Variants in NAV3 observed in about 807,000 individuals in gnomAD.
NAV3 encodes neuron navigator 3, also known as pore membrane and/or filament interacting like protein 1.
NAV3 carries 87 observed loss-of-function variants against 244.7 expected under a neutral mutation model. The ratio of observed to expected loss-of-function variants is 0.36; its 90% CI spans 0.30 to 0.42. The LOEUF (loss-of-function observed/expected upper bound fraction) is 0.42, where lower values mean the gene tolerates loss of function less well. Ranked by LOEUF, NAV3 falls within the 20% of genes least tolerant of loss-of-function variation. NAV3 has a pLI of 1.00. For synonymous variants in NAV3, 1,126 were observed against 1,042.2 expected, an observed-to-expected ratio of 1.08 and a Z score of -1.55; for missense variants, 2,663 against 2,893.3, an observed-to-expected ratio of 0.92 and a Z score of 1.83.
At chr12:77,646,395 C>T (rs1872606171) in intron 2 of NAV3, among the ~76,000 whole-genome samples, 2 of 152,162 alleles carry the variant, frequency 1.3e-5, no homozygotes, top group African/African-American at 4.8e-5. Flanking sequence ...CGGAAGTTTT[C>T]TGTTGAGCCC....
intron 1 of NAV3, among the ~76,000 whole-genome samples, chr12:77,938,770 A>G (rs370137780): frequency 1.3e-5 from 2 of 152,178 alleles, no homozygotes; most frequent in Admixed American, 1.3e-4. Flanking sequence ...CAAGTCAAAT[A>G]TCTATCAACT....
chr12:77,895,315 G>GTGTGTGTGTGTA (rs1884459544), intron 1 of NAV3, among the ~76,000 whole-genome samples: 1 of 151,406 alleles, frequency 6.6e-6, no homozygotes, highest in African/African-American at 2.4e-5. Flanking sequence ...ATGATTGTGT[G>GTGTGTGTGTGTA]TGTGTGTGTG....
At position 78,125,918 on chromosome 12, in the gene NAV3, A is replaced by G. The variant is rs571224162; in HGVS notation, c.4239-1249A>G. On this transcript the variant is annotated intron_variant, in intron 16 of 39. Transcript: ENST00000397909. Reference sequence around the variant, plus strand: ...ACCAACTTTTCATATTCTTTGTGGCATTAAACTTTAACTTGTACACATGGA... The same window carrying G: ...ACCAACTTTTCATATTCTTTGTGGCGTTAAACTTTAACTTGTACACATGGA... 3.2e-4 allele frequency among the ~76,000 whole-genome samples: 48 copies of G among 152,334 alleles called. No homozygotes were observed. In the Middle Eastern group the frequency reaches 0.01, roughly 32 times the overall value.
intron 1 of NAV3, among the ~76,000 whole-genome samples, chr12:77,843,985 T>C (rs1428532721): frequency 1.3e-5 from 2 of 152,230 alleles, no homozygotes; most frequent in African/African-American, 2.4e-5. Flanking sequence ...TGCTGTGCAA[T>C]TCTGTACAGT....
At chr12:78,087,237 C>CA (rs1477641065) in intron 12 of NAV3, among the ~76,000 whole-genome samples, 1 of 151,942 alleles carries the variant, frequency 6.6e-6, no homozygotes, top group East Asian at 1.9e-4. Context: ...GCTGAGCTGC[C>CA]AAGATACATA....
chr12:78,049,626 G>C (rs574554984), intron 9 of NAV3, among the ~76,000 whole-genome samples: 4 of 150,298 alleles, frequency 2.7e-5, no homozygotes, highest in Non-Finnish European at 4.5e-5. Flanking sequence ...ATCTCACTGG[G>C]AGCAGCAGAC....
chr12:77,590,739 A>G (rs887604117), intron 2 of NAV3, among the ~76,000 whole-genome samples: 4 of 152,254 alleles, frequency 2.6e-5, no homozygotes, highest in African/African-American at 9.6e-5. Flanking sequence ...GTTTATATAT[A>G]AAAGCTTAAA....
chr12:77,735,301 G>A (rs1436377322), intron 2 of NAV3, among the ~76,000 whole-genome samples: 2 of 152,018 alleles, frequency 1.3e-5, no homozygotes, highest in Admixed American at 6.6e-5. Context: ...TTGCCTCTGA[G>A]TATAAACATT....
At chr12:78,123,945 T>C (rs971421604) in intron 16 of NAV3, among the ~76,000 whole-genome samples, 2 of 152,206 alleles carry the variant, frequency 1.3e-5, no homozygotes, top group Admixed American at 1.3e-4. Context: ...TTCTAATGAA[T>C]GAATTATATT....
intron 7 of NAV3, among the ~76,000 whole-genome samples, 191 bp from the exon 8 acceptor site, chr12:78,006,228 T>C (rs74108223): frequency 6.6e-6 from 1 of 151,648 alleles, no homozygotes; most frequent in Non-Finnish European, 1.5e-5. Flanking sequence ...AATCAATGCC[T>C]CTCAAACACT....
intron 2 of NAV3, among the ~76,000 whole-genome samples, chr12:77,707,425 G>T (rs1166326149): frequency 1.3e-5 from 2 of 152,034 alleles, no homozygotes; most frequent in African/African-American, 4.8e-5. Flanking sequence ...TCATTCCATG[G>T]TGTATATGTG....
chr12:78,007,476 A>G (rs960908688), intron 8 of NAV3, 31 bp downstream of exon 8: 3 of 1,592,748 alleles, frequency 1.9e-6, no homozygotes, highest in South Asian at 2.3e-5. Flanking sequence ...CCACAGTTGT[A>G]AATATATTTA....
intron 2 of NAV3, among the ~76,000 whole-genome samples, chr12:77,774,866 A>G (rs887939244): frequency 6.6e-6 from 1 of 152,226 alleles, no homozygotes; most frequent in South Asian, 2.1e-4. Context: ...TCTGTATAGA[A>G]GAAATTAGGA....
chr12:77,808,434 T>C (rs1355006392), intron 2 of NAV3, among the ~76,000 whole-genome samples: 1 of 152,208 alleles, frequency 6.6e-6, no homozygotes, highest in African/African-American at 2.4e-5. Flanking sequence ...CAGGCCCCTC[T>C]GCTGCCTGTC....
In NAV3 at chr12:77,691,329, G is replaced by GTATATATATATATATATATATATA. The variant is rs1350161105; in HGVS notation, c.72+119066_72+119067insATATATATATATATATATATATAT. 4.5e-5 allele frequency among the ~76,000 whole-genome samples: 3 copies of GTATATATATATATATATATATATA among 66,704 alleles called. 1 individual carries two copies. Among genetic ancestry groups the GTATATATATATATATATATATATA allele is most frequent in the Admixed American group, 1.9e-4 (1 of 5,142 alleles). 43.8% of individuals were successfully genotyped at this position (66,704 alleles called of 152,430 possible). A position where few individuals can be genotyped will look rare whatever the true frequency, so the allele number is the denominator to read the frequency against. Reference sequence around the variant, plus strand: ...TATATAGTCATATATAAGTATTTGTGTATGTGTGTATATATATATATATAT... The same window carrying GTATATATATATATATATATATATA: ...TATATAGTCATATATAAGTATTTGTGTATATATATATATATATATATATATATGTGTGTATATATATATATATAT... On this transcript the variant is annotated intron_variant, in intron 2 of 8. Transcript: ENST00000550042.
chr12:78,040,327 C>T (rs1020307790), intron 9 of NAV3, among the ~76,000 whole-genome samples: 43 of 152,008 alleles, frequency 2.8e-4, no homozygotes, highest in Middle Eastern at 3.4e-3. Flanking sequence ...AGGGCAGTGT[C>T]ATAAGTGAAT....
chr12:77,880,347 G>T (rs551501797), intron 1 of NAV3, among the ~76,000 whole-genome samples: 1 of 152,236 alleles, frequency 6.6e-6, no homozygotes, highest in Admixed American at 6.5e-5. Context: ...TCAGGAAAAT[G>T]GACAATTTTG....
chr12:77,816,526 A>G (rs1427432868), intron 2 of NAV3, among the ~76,000 whole-genome samples: 1 of 152,206 alleles, frequency 6.6e-6, no homozygotes, highest in Non-Finnish European at 1.5e-5. Context: ...GGCAAAGCAC[A>G]GGTAAAGCCA....
chr12:77,662,172 T>C (rs1873482748), intron 2 of NAV3, among the ~76,000 whole-genome samples: 1 of 152,004 alleles, frequency 6.6e-6, no homozygotes, highest in Non-Finnish European at 1.5e-5. Context: ...CTTGAATCGA[T>C]TAAAATCCAT....
Sources: gnomAD v4.1 joint callset for allele counts (sites outside exome capture counted in the v4.1 genomes callset) on GRCh38, gnomAD v4.1.1 for gene constraint, MANE v1.5 for transcripts, NCBI Gene and HGNC (gene_info 2026-07-23, HGNC 2026-07-21) for gene names.